GABRA5: variants seen among roughly 807,000 people sequenced by gnomAD.
GABRA5 encodes the protein gamma-aminobutyric acid type A receptor subunit alpha5.
Under a neutral mutation model 47.3 loss-of-function variants are expected in GABRA5, and 18 were observed. The ratio of observed to expected loss-of-function variants is 0.38; its 90% confidence interval spans 0.26 to 0.56. The LOEUF (loss-of-function observed/expected upper bound fraction) is 0.56. Ranked by LOEUF, GABRA5 falls within the 20% of genes least tolerant of loss-of-function variation. GABRA5 has a pLI of 0.71. For synonymous variants in GABRA5, 237 were observed against 229.3 expected (o/e 1.03, Z -0.30); for missense variants, 365 against 599.3 (o/e 0.61, Z 4.08).
chr15:26,937,404 A>G, intron 8 of GABRA5, 76 bp downstream of exon 8: 4 of 1,462,776 alleles, frequency 2.7e-6, no homozygotes, highest in Non-Finnish European at 3.6e-6. Context: ...TGCTCCCAGC[A>G]CCTCTCTGCA....
intron 6 of GABRA5, among the ~76,000 whole-genome samples, chr15:26,908,238 T>A (rs917505381): frequency 6.6e-6 from 1 of 152,174 alleles, no homozygotes; most frequent in African/African-American, 2.4e-5. Context: ...TCCTTACAGC[T>A]GGGTTTCCTT....
At chr15:26,898,423 T>G (rs1893249472) in intron 6 of GABRA5, among the ~76,000 whole-genome samples, 1 of 152,216 alleles carries the variant, frequency 6.6e-6, no homozygotes, top group South Asian at 2.1e-4. Context: ...TGTGGTGCCA[T>G]CATTTGAAAG....
At chr15:26,922,879 G>T (rs890933403) in intron 7 of GABRA5, among the ~76,000 whole-genome samples, 1 of 152,178 alleles carries the variant, frequency 6.6e-6, no homozygotes, top group Non-Finnish European at 1.5e-5. Flanking sequence ...TCTAGACTCA[G>T]CTTCCCAAAG....
intron 6 of GABRA5, among the ~76,000 whole-genome samples, chr15:26,907,171 T>C (rs1893464728): frequency 6.6e-6 from 1 of 152,196 alleles, no homozygotes; most frequent in East Asian, 1.9e-4. Context: ...GTAAGCCGTA[T>C]AATTTGGATC....
chr15:26,927,553 G>C (rs553101443), intron 7 of GABRA5, among the ~76,000 whole-genome samples: 1 of 152,268 alleles, frequency 6.6e-6, no homozygotes, highest in African/African-American at 2.4e-5. Flanking sequence ...TGTTGACCAA[G>C]AGCTAGAAAA....
rs531359350 is a variant in GABRA5, at chr15:26,938,835, G to A, written c.725-1090G>A. Among the ~76,000 whole-genome samples the A allele has an allele frequency of 3.3e-5, 5 of 152,334 alleles. 1 individual carries two copies. Among genetic ancestry groups the A allele is most frequent in the Admixed American group, 1.3e-4 (2 of 15,304 alleles). On this transcript the variant is annotated intron_variant, in intron 8 of 10. Transcript: ENST00000335625. The stretch of plus-strand genomic sequence containing the variant: ...TGATTGCTATGGTTCCTTCGTCTCC[G>A]ACATATGCCATGTTTTGAGTTGGCA...
intron 7 of GABRA5, among the ~76,000 whole-genome samples, chr15:26,935,232 C>A: frequency 6.6e-6 from 1 of 152,154 alleles, no homozygotes; most frequent in East Asian, 1.9e-4. Context: ...TTGCTGCTGT[C>A]ATTATTAATG....
At chr15:26,869,962 T>C (rs920474268) in intron 3 of GABRA5, among the ~76,000 whole-genome samples, 1 of 152,226 alleles carries the variant, frequency 6.6e-6, no homozygotes, top group Non-Finnish European at 1.5e-5. Context: ...CTCTAACCTT[T>C]TTTTTCATGA....
intron 6 of GABRA5, among the ~76,000 whole-genome samples, chr15:26,884,694 A>AT (rs1395838759): frequency 6.6e-6 from 1 of 152,056 alleles, no homozygotes; most frequent in Non-Finnish European, 1.5e-5. Flanking sequence ...TGTCCTGTTG[A>AT]TTAAAGGGGA....
chr15:26,926,225 CTT>C (rs764500518), intron 7 of GABRA5, among the ~76,000 whole-genome samples: 1 of 152,036 alleles, frequency 6.6e-6, no homozygotes, highest in Non-Finnish European at 1.5e-5. Flanking sequence ...CTCTCCGGGG[CTT>C]TCAGGGAGTA....
chr15:26,886,263 A>G (rs2140260518), intron 6 of GABRA5, among the ~76,000 whole-genome samples: 1 of 152,090 alleles, frequency 6.6e-6, no homozygotes, highest in South Asian at 2.1e-4. Context: ...CAGGTGATCC[A>G]CTGGCCTCGG....
intron 6 of GABRA5, among the ~76,000 whole-genome samples, chr15:26,904,743 A>G (rs1457679762): frequency 2.0e-5 from 3 of 152,100 alleles, no homozygotes; most frequent in Non-Finnish European, 4.4e-5. Context: ...ATGGGATTAC[A>G]TTCCTGATTT....
chr15:26,934,918 G>T (rs1200379096), intron 7 of GABRA5, among the ~76,000 whole-genome samples: 1 of 152,226 alleles, frequency 6.6e-6, no homozygotes, highest in East Asian at 1.9e-4. Flanking sequence ...CAAGCCCGAT[G>T]CGAGTGAAAA....
At chr15:26,912,783 A>G (rs959921051) in intron 6 of GABRA5, among the ~76,000 whole-genome samples, 3 of 152,230 alleles carry the variant, frequency 2.0e-5, no homozygotes, top group Admixed American at 6.5e-5. Flanking sequence ...AAATATATGT[A>G]CATGTAGAAA....
intron 3 of GABRA5, among the ~76,000 whole-genome samples, chr15:26,876,467 A>G (rs1445368097): frequency 6.6e-6 from 1 of 152,196 alleles, no homozygotes; most frequent in Non-Finnish European, 1.5e-5. Context: ...AGGGAAAGAC[A>G]GACAGAGCCG....
chr15:26,889,691 C>A (rs969165793), intron 6 of GABRA5, among the ~76,000 whole-genome samples: 1 of 152,088 alleles, frequency 6.6e-6, no homozygotes. Flanking sequence ...TTCATGAAAC[C>A]AGATGTATTG....
chr15:26,917,292 G>T (rs532446962), intron 7 of GABRA5, among the ~76,000 whole-genome samples: 12 of 152,138 alleles, frequency 7.9e-5, no homozygotes, highest in Middle Eastern at 3.4e-3. Flanking sequence ...AAAGGGTGTG[G>T]AATTTTGTCA....
chr15:26,878,143 A>G (rs924339347), intron 3 of GABRA5, among the ~76,000 whole-genome samples: 2 of 152,256 alleles, frequency 1.3e-5, no homozygotes, highest in African/African-American at 4.8e-5. Context: ...CACGCTGCAC[A>G]TTAGTGCTCA....
Position 26,894,126 on chromosome 15 carries a change from G to A in GABRA5, c.497+10569G>A, listed in dbSNP as rs189995881. 2.3e-3 allele frequency among the ~76,000 whole-genome samples: 354 copies of A among 152,272 alleles called. 9 individuals carry two copies. The East Asian group carries it at 0.059, about 25-fold the overall frequency. On this transcript the variant is annotated intron_variant, in intron 6 of 10. Coordinates refer to ENST00000335625, the MANE Select transcript of GABRA5 (RefSeq NM_000810.4). ...CTGGAGCGCAGCGGCCCGGGCAGAA[G>A]CCCTGCCCAGACGGCGCCGGACCTG...
Sources: gnomAD v4.1 joint callset for allele counts (sites outside exome capture counted in the v4.1 genomes callset) on GRCh38, gnomAD v4.1.1 for gene constraint, MANE v1.5 for transcripts, NCBI Gene and HGNC (gene_info 2026-07-23, HGNC 2026-07-21) for gene names.